The following DKK3 variants were observed in gnomAD, a reference collection of about 807,000 sequenced individuals.
The protein encoded by DKK3 is dickkopf Wnt signaling pathway inhibitor 3.
A neutral mutation model predicts 33.2 loss-of-function variants in DKK3; 22 were observed. The ratio of observed to expected loss-of-function variants is 0.66; its 90% confidence interval spans 0.47 to 0.95. DKK3 has a LOEUF of 0.95. DKK3 is among the 40% of genes least tolerant of loss of function. DKK3 has a pLI of 0.00. For synonymous variants in DKK3, 194 were observed against 188.8 expected, an observed-to-expected ratio of 1.03 and a Z score of -0.23; for missense variants, 398 against 458.4, an observed-to-expected ratio of 0.87 and a Z score of 1.20.
chr11:11,972,715 G>A (rs1447077428), intron 3 of DKK3, among the ~76,000 whole-genome samples: 1 of 152,148 alleles, frequency 6.6e-6, no homozygotes. Flanking sequence ...GAGAAATCCA[G>A]GTTTTTTTCT....
At chr11:11,993,937 C>T (rs1380423081) in intron 3 of DKK3, among the ~76,000 whole-genome samples, 1 of 152,092 alleles carries the variant, frequency 6.6e-6, no homozygotes, top group Non-Finnish European at 1.5e-5. Context: ...TTTGACCTAT[C>T]CTTCCCTTTG....
At chr11:11,978,465 C>T (rs1299735207) in intron 3 of DKK3, among the ~76,000 whole-genome samples, 5 of 116,200 alleles carry the variant, frequency 4.3e-5, no homozygotes, top group Non-Finnish European at 1.0e-4. Flanking sequence ...CCTCTCCTTC[C>T]TCCACTTCTT....
intron 3 of DKK3, among the ~76,000 whole-genome samples, chr11:11,995,537 A>G (rs977330535): frequency 2.0e-5 from 3 of 152,238 alleles, no homozygotes; most frequent in East Asian, 3.9e-4. Context: ...AGGACATGCT[A>G]AGCCTTGTAG....
Position 12,008,268 on chromosome 11 carries a change from C to T in DKK3, c.213+102G>A, listed in dbSNP as rs1848579322. ...CTGTCGGCCCTTCCCAGGCCCTGCG[C>T]GGGACCCGAGGTCCCTGGCCAGCGC... On this transcript the variant is annotated intron_variant, in intron 1 of 6. Coordinates refer to ENST00000683431, the MANE Select transcript of DKK3 (RefSeq NM_001018057.2). The surrounding 1 kb of genome is among the most constrained non-coding windows in gnomAD (Gnocchi z 4.6). 1 of 1,418,810 alleles carries T rather than the reference C, an allele frequency of 7.0e-7. No homozygotes were observed. Among genetic ancestry groups the T allele is most frequent in the Admixed American group, 2.2e-5 (1 of 44,586 alleles). 87.9% of individuals were successfully genotyped at this position (1,418,810 alleles called of 1,614,324 possible).
intron 3 of DKK3, among the ~76,000 whole-genome samples, chr11:11,973,444 T>C (rs1439193996): frequency 6.6e-6 from 1 of 152,086 alleles, no homozygotes; most frequent in Non-Finnish European, 1.5e-5. Flanking sequence ...CCACTGAGCG[T>C]CTGGGCCCAA....
intron 3 of DKK3, among the ~76,000 whole-genome samples, chr11:11,991,590 CT>C (rs770290957): frequency 1.4e-4 from 21 of 151,864 alleles, no homozygotes; most frequent in Non-Finnish European, 2.5e-4. Flanking sequence ...CCTGGCACCT[CT>C]CCTCTCTCTC....
chr11:11,975,873 C>T (rs1207544823), intron 3 of DKK3, among the ~76,000 whole-genome samples: 2 of 152,174 alleles, frequency 1.3e-5, no homozygotes, highest in African/African-American at 4.8e-5. Flanking sequence ...CAGGCTTTTG[C>T]GCCCACACCT....
chr11:11,968,561 AG>A (rs1396829835), intron 3 of DKK3, 74 bp from the exon 4 acceptor site: 1 of 1,428,702 alleles, frequency 7.0e-7, no homozygotes, highest in African/African-American at 1.4e-5. Context: ...AGGAAGGGCC[AG>A]GCCCGCTTCC....
intron 3 of DKK3, 26 bp from the exon 4 acceptor site, chr11:11,968,513 G>T: frequency 6.2e-7 from 1 of 1,606,396 alleles, no homozygotes; most frequent in Non-Finnish European, 8.5e-7. Context: ...GGGAGCAGAT[G>T]TGTCAATGGA....
At chr11:11,977,267 C>T (rs1270830676) in intron 3 of DKK3, among the ~76,000 whole-genome samples, 1 of 151,910 alleles carries the variant, frequency 6.6e-6, no homozygotes, top group African/African-American at 2.4e-5. Context: ...GGAGTTCTCT[C>T]TCTCCTCCTA....
intron 1 of DKK3, among the ~76,000 whole-genome samples, chr11:12,005,665 C>T (rs1164986338): frequency 6.6e-6 from 1 of 152,146 alleles, no homozygotes; most frequent in Non-Finnish European, 1.5e-5. Context: ...ATTGAAAATG[C>T]CAGGAAGTTA....
chr11:11,964,089 C>T lies in DKK3; in HGVS notation c.*375G>A. On this transcript the variant is annotated 3_prime_UTR_variant, in exon 7 of 7. Transcript: ENST00000683431. ...TTGCAAAGCAGGGCACTCTTCTCCA[C>T]ATTTCCCCAAAACCAATCAGAGGGA... is the stretch of plus-strand genomic sequence containing the variant. 1 of 222,812 alleles carries T rather than the reference C, an allele frequency of 4.5e-6. No homozygotes were observed. The highest frequency in any genetic ancestry group is 8.9e-6 in the Non-Finnish European group (1 of 112,988). 13.8% of individuals were successfully genotyped at this position (222,812 alleles called of 1,614,324 possible). A position where few individuals can be genotyped will look rare whatever the true frequency, so the allele number is the denominator to read the frequency against.
At chr11:11,982,641 C>A (rs963554928) in intron 3 of DKK3, among the ~76,000 whole-genome samples, 26 of 152,142 alleles carry the variant, frequency 1.7e-4, no homozygotes, top group African/African-American at 6.3e-4. Context: ...AGCGCCCGGC[C>A]GTGGCCACAG....
upstream of DKK3, chr11:12,009,614 AG>A (rs1313616595): frequency 6.1e-6 from 6 of 985,640 alleles, no homozygotes; most frequent in Non-Finnish European, 7.2e-6. Context: ...GGTTGGGGGT[AG>A]GGGGAATGTT....
intron 3 of DKK3, among the ~76,000 whole-genome samples, chr11:11,985,436 T>TA (rs1452744878): frequency 1.3e-5 from 2 of 152,212 alleles, no homozygotes; most frequent in Non-Finnish European, 2.9e-5. Context: ...ATGGGCATGA[T>TA]AAAACCTAAC....
At chr11:12,000,786 T>C (rs1564924491) in intron 2 of DKK3, among the ~76,000 whole-genome samples, 1 of 152,258 alleles carries the variant, frequency 6.6e-6, no homozygotes, top group East Asian at 1.9e-4. Context: ...CCCAAAGTGC[T>C]GGGATTACAG....
upstream of DKK3, chr11:12,009,018 C>G: frequency 1.0e-6 from 1 of 992,280 alleles, no homozygotes; most frequent in Non-Finnish European, 1.2e-6. Flanking sequence ...ACTTCCACCT[C>G]AAGCCTCTCT....
At chr11:11,978,162 G>T (rs978385340) in intron 3 of DKK3, among the ~76,000 whole-genome samples, 4 of 152,162 alleles carry the variant, frequency 2.6e-5, no homozygotes, top group Non-Finnish European at 4.4e-5. Flanking sequence ...GAGAAAGTGG[G>T]GTTGGCCTTG....
intron 3 of DKK3, among the ~76,000 whole-genome samples, chr11:11,984,568 T>G (rs887711209): frequency 6.6e-6 from 1 of 151,774 alleles, no homozygotes; most frequent in African/African-American, 2.4e-5. Flanking sequence ...TTCTGCTGTA[T>G]GCCCAAGCTG....
Sources: gnomAD v4.1 joint callset for allele counts (sites outside exome capture counted in the v4.1 genomes callset) on GRCh38, gnomAD v4.1.1 for gene constraint, Gnocchi (gnomAD v3.1) non-coding constraint, MANE v1.5 for transcripts, NCBI Gene and HGNC (gene_info 2026-07-23, HGNC 2026-07-21) for gene names.